The following ERC2 variants were observed in gnomAD, a reference collection of about 807,000 sequenced individuals.
ERC2 encodes the protein ELKS/RAB6-interacting/CAST family member 2.
ERC2 carries 42 observed loss-of-function variants against 114.8 expected under a neutral mutation model. The ratio of observed to expected loss-of-function variants is 0.37; its 90% CI spans 0.29 to 0.47. The LOEUF is 0.47. Ranked by LOEUF, ERC2 falls within the 20% of genes least tolerant of loss-of-function variation. The probability of loss-of-function intolerance (pLI) is 0.99; values close to 1 mark genes in which losing one functional copy is unlikely to be tolerated. For missense variants in ERC2, 939 were observed against 1,150.7 expected (o/e 0.82, Z 2.66); for synonymous variants, 454 against 425.5 (o/e 1.07, Z -0.82).
chr3:56,079,244 C>T (rs1197722343), intron 7 of ERC2, among the ~76,000 whole-genome samples: 1 of 152,042 alleles, frequency 6.6e-6, no homozygotes, highest in African/African-American at 2.4e-5. Flanking sequence ...AAAATTGATT[C>T]ACGAAAGCGC....
chr3:56,406,223 T>C (rs2060721593), intron 2 of ERC2, among the ~76,000 whole-genome samples: 1 of 152,212 alleles, frequency 6.6e-6, no homozygotes, highest in Admixed American at 6.5e-5. Flanking sequence ...ACTTTTGATA[T>C]ACATTTGCCA....
chr3:56,220,370 A>G (rs1441841440), intron 3 of ERC2, among the ~76,000 whole-genome samples: 5 of 152,142 alleles, frequency 3.3e-5, no homozygotes, highest in Admixed American at 6.5e-5. Context: ...TGCCTACAAT[A>G]TGGGTCTGCT....
intron 3 of ERC2, among the ~76,000 whole-genome samples, chr3:56,214,589 A>G (rs1452936580): frequency 6.6e-6 from 1 of 152,096 alleles, no homozygotes; most frequent in Non-Finnish European, 1.5e-5. Flanking sequence ...ATCCAGGAGA[A>G]CTTCCCCAAT....
At chr3:55,941,764 T>C (rs2066811921) in intron 13 of ERC2, among the ~76,000 whole-genome samples, 1 of 152,130 alleles carries the variant, frequency 6.6e-6, no homozygotes, top group African/African-American at 2.4e-5. Context: ...TGGAGAAAAA[T>C]GGCAAAGATA....
chr3:56,292,521 T>C (rs1187013460), intron 3 of ERC2, among the ~76,000 whole-genome samples: 2 of 150,688 alleles, frequency 1.3e-5, no homozygotes, highest in East Asian at 2.0e-4. Context: ...ACCTGGGAGG[T>C]AGAGGTTGCA....
intron 17 of ERC2, among the ~76,000 whole-genome samples, chr3:55,662,687 T>C (rs982609203): frequency 3.3e-5 from 5 of 152,152 alleles, no homozygotes; most frequent in African/African-American, 9.7e-5. Context: ...GTCATGAATG[T>C]AGATTATTTT....
chr3:56,422,858 C>A (rs754472041), intron 2 of ERC2, among the ~76,000 whole-genome samples: 1 of 152,150 alleles, frequency 6.6e-6, no homozygotes, highest in Non-Finnish European at 1.5e-5. Context: ...CTGTTGAGCT[C>A]ACACATGGAA....
At position 55,853,582 on chromosome 3, in the gene ERC2, T is replaced by C. The variant is rs553934994; in HGVS notation, c.2564+34807A>G. 9.2e-5 allele frequency among the ~76,000 whole-genome samples: 14 copies of C among 152,294 alleles called. No individual in the cohort carries two copies. The East Asian group carries it at 2.5e-3, about 27-fold the overall frequency. On this transcript the variant is annotated intron_variant, in intron 14 of 17. Coordinates refer to ENST00000288221, the MANE Select transcript of ERC2 (RefSeq NM_015576.3). ...AGCACTCAGGAAATATAAGTATGAA[T>C]TGAATTAGATATACTCTAATCTGCT...
intron 2 of ERC2, among the ~76,000 whole-genome samples, chr3:56,372,051 A>G (rs905751557): frequency 2.0e-5 from 3 of 152,224 alleles, no homozygotes; most frequent in African/African-American, 7.2e-5. Flanking sequence ...TGCCCAAATG[A>G]GAGGCATATG....
intron 17 of ERC2, among the ~76,000 whole-genome samples, chr3:55,543,852 A>G (rs6785376): frequency 0.27 from 41,417 of 151,416 alleles, 5,640 homozygotes; most frequent in Middle Eastern, 0.33. Context: ...CCACTCTCCC[A>G]CTCTCTCTCG....
At chr3:55,655,328 A>C (rs1209122970) in intron 17 of ERC2, among the ~76,000 whole-genome samples, 1 of 152,176 alleles carries the variant, frequency 6.6e-6, no homozygotes, top group Non-Finnish European at 1.5e-5. Flanking sequence ...GTCTGCTTCC[A>C]GGAACCCAAA....
intron 10 of ERC2, among the ~76,000 whole-genome samples, chr3:55,993,754 T>G (rs1486131573): frequency 6.6e-6 from 1 of 152,024 alleles, no homozygotes; most frequent in Admixed American, 6.5e-5. Flanking sequence ...ACCAACATTT[T>G]TCAGAAAACA....
intron 2 of ERC2, among the ~76,000 whole-genome samples, chr3:56,396,797 C>T (rs1028684068): frequency 1.3e-5 from 2 of 152,118 alleles, no homozygotes; most frequent in African/African-American, 4.8e-5. Context: ...GTGTGGTTCA[C>T]TGAAGCATGG....
chr3:55,954,529 G>C (rs1363767064), intron 12 of ERC2, among the ~76,000 whole-genome samples: 1 of 152,180 alleles, frequency 6.6e-6, no homozygotes, highest in Non-Finnish European at 1.5e-5. Flanking sequence ...CAGGACAGGA[G>C]ATGCATATGT....
intron 17 of ERC2, among the ~76,000 whole-genome samples, chr3:55,679,472 G>A (rs2061959533): frequency 6.6e-6 from 1 of 152,176 alleles, no homozygotes; most frequent in Non-Finnish European, 1.5e-5. Flanking sequence ...GGTTTCTATT[G>A]AGATGTCTAA....
intron 14 of ERC2, among the ~76,000 whole-genome samples, chr3:55,736,171 C>G (rs1370903716): frequency 6.6e-6 from 1 of 152,178 alleles, no homozygotes; most frequent in Non-Finnish European, 1.5e-5. Context: ...CCAGATTCCA[C>G]CATTCTATTG....
intron 2 of ERC2, among the ~76,000 whole-genome samples, chr3:56,351,897 A>G (rs2058567222): frequency 6.6e-6 from 1 of 152,222 alleles, no homozygotes. Flanking sequence ...CAGACACGTA[A>G]TAAGTCAATG....
chr3:56,334,647 C>T (rs1187389037), intron 2 of ERC2, among the ~76,000 whole-genome samples: 2 of 152,054 alleles, frequency 1.3e-5, no homozygotes, highest in Admixed American at 1.3e-4. Context: ...AGGGCAAGAC[C>T]ATGCCTGATA....
chr3:55,973,692 T>C (rs1179625502), intron 12 of ERC2, among the ~76,000 whole-genome samples: 1 of 152,202 alleles, frequency 6.6e-6, no homozygotes, highest in African/African-American at 2.4e-5. Context: ...TTAGAAAAAT[T>C]CTTGCACACC....
Sources: allele counts gnomAD v4.1 joint callset (sites outside exome capture counted in the v4.1 genomes callset), GRCh38; gene constraint gnomAD v4.1.1; transcripts MANE v1.5; gene names NCBI Gene and HGNC (gene_info 2026-07-23, HGNC 2026-07-21).